Variants in RPH3A observed in about 807,000 individuals in gnomAD.
RPH3A encodes the protein rabphilin-3A.
In RPH3A, 48 loss-of-function variants were observed where a neutral mutation model predicts 102.2. The ratio of observed to expected loss-of-function variants is 0.47; its 90% CI spans 0.37 to 0.60. The LOEUF is 0.60. RPH3A is among the 20% of genes least tolerant of loss of function. RPH3A has a pLI of 0.00. For synonymous variants in RPH3A, 310 were observed against 324.3 expected (o/e 0.96, Z 0.47); for missense variants, 781 against 910.1 (o/e 0.86, Z 1.83).
At chr12:112,777,271 G>A (rs1389856172) in intron 1 of RPH3A, among the ~76,000 whole-genome samples, 1 of 152,196 alleles carries the variant, frequency 6.6e-6, no homozygotes, top group Non-Finnish European at 1.5e-5. Flanking sequence ...CTGCTGTTGT[G>A]ATCATCAGTG....
At chr12:112,847,326 A>G (rs578203354) in intron 4 of RPH3A, among the ~76,000 whole-genome samples, 29 of 152,330 alleles carry the variant, frequency 1.9e-4, no homozygotes, top group South Asian at 1.9e-3. Context: ...CCCAAAAGCC[A>G]TCTCTCTGCC....
intron 1 of RPH3A, among the ~76,000 whole-genome samples, chr12:112,779,077 C>T (rs1250313192): frequency 6.6e-6 from 1 of 152,062 alleles, no homozygotes; most frequent in Non-Finnish European, 1.5e-5. Context: ...TAGTCTGGGT[C>T]CTCCAGGAAA....
rs1254912083 is a variant in RPH3A, at chr12:112,678,273, GAAAGAAAGAAAGAAAGAAAGAAAGA to G, written c.-140+102957_-140+102981del. Among the ~76,000 whole-genome samples the G allele has an allele frequency of 1.2e-4, 9 of 75,484 alleles. 1 individual carries two copies. Among genetic ancestry groups the G allele is most frequent in the Admixed American group, 9.6e-4 (8 of 8,294 alleles). 49.5% of individuals were successfully genotyped at this position (75,484 alleles called of 152,430 possible). A position where few individuals can be genotyped will look rare whatever the true frequency, so the allele number is the denominator to read the frequency against. ...AGAAAGAAAGAAAGAAAGAAAGAAA[GAAAGAAAGAAAGAAAGAAAGAAAGA>G]AAGAAAGAGAGAGAGAGAGAAAGAA... On this transcript the variant is annotated intron_variant, in intron 1 of 21. Coordinates refer to the RPH3A transcript ENST00000543106.
At chr12:112,656,739 G>A (rs573782649) in intron 1 of RPH3A, among the ~76,000 whole-genome samples, 16 of 152,028 alleles carry the variant, frequency 1.1e-4, no homozygotes, top group South Asian at 6.2e-4. Context: ...ATGTTGCTGC[G>A]AAAGACATGA....
chr12:112,722,513 G>A (rs1177471603), intron 1 of RPH3A, among the ~76,000 whole-genome samples: 1 of 152,248 alleles, frequency 6.6e-6, no homozygotes, highest in Non-Finnish European at 1.5e-5. Context: ...GGACTCCTAT[G>A]TTGTTGGTGG....
chr12:112,770,438 C>T (rs1442696914), intron 1 of RPH3A, among the ~76,000 whole-genome samples: 1 of 152,102 alleles, frequency 6.6e-6, no homozygotes, highest in Non-Finnish European at 1.5e-5. Context: ...TTCTGCCTCC[C>T]TGGCTCAAGT....
chr12:112,715,789 G>A (rs1276252379), intron 1 of RPH3A, among the ~76,000 whole-genome samples: 2 of 152,160 alleles, frequency 1.3e-5, no homozygotes, highest in Non-Finnish European at 1.5e-5. Flanking sequence ...TTCAGAGTAA[G>A]CCCATACAGT....
Position 112,693,990 on chromosome 12 carries a change from A to G in RPH3A, c.-139-98153A>G, listed in dbSNP as rs1033424046. Among the ~76,000 whole-genome samples, 5 of 152,256 alleles carry G rather than the reference A, an allele frequency of 3.3e-5. No individual in the cohort carries two copies. In the East Asian group the frequency reaches 9.7e-4, roughly 29 times the overall value. On this transcript the variant is annotated intron_variant, in intron 1 of 21. Coordinates refer to the RPH3A transcript ENST00000543106. ...GCCAGGAGCCTTGCAATGGCTTTCT[A>G]ACTGGTATCTAATTCGCTCTGCACA...
chr12:112,633,777 C>T (rs1450204499), intron 1 of RPH3A, among the ~76,000 whole-genome samples: 1 of 152,106 alleles, frequency 6.6e-6, no homozygotes, highest in Admixed American at 6.5e-5. Flanking sequence ...AATTTGGAGA[C>T]ATGTTTCTTG....
intron 1 of RPH3A, among the ~76,000 whole-genome samples, chr12:112,662,203 T>C (rs2040053333): frequency 6.6e-6 from 1 of 152,238 alleles, no homozygotes; most frequent in Admixed American, 6.5e-5. Flanking sequence ...TGAGTGACTC[T>C]GTATGAAGCT....
rs763230279 is a variant in RPH3A, at chr12:112,879,155, A to G, written c.1208A>G (p.Asp403Gly). Reference protein sequence around the residue: ...LGALEFSLLYDQDNSSLQCTI... With the variant: ...LGALEFSLLYGQDNSSLQCTI... Reference sequence around the variant, plus strand: ...GCCCTGGAATTCAGCCTTCTCTACGACCAGGACAACAGCTCCCTGCAGTGC... The same window carrying G: ...GCCCTGGAATTCAGCCTTCTCTACGGCCAGGACAACAGCTCCCTGCAGTGC... The change falls in exon 14 of 22, where the codon GAC (aspartate) becomes GGC (glycine). Residue 403 changes from aspartate (D) to glycine (G), a missense_variant. Asp to Gly is a moderately conservative substitution (Grantham distance 94). Coordinates refer to ENST00000389385, the MANE Select transcript of RPH3A (RefSeq NM_001143854.2). 1 of 1,614,086 alleles carries G rather than the reference A, an allele frequency of 6.2e-7. No homozygotes were observed. The highest frequency in any genetic ancestry group is 1.1e-5 in the South Asian group (1 of 91,050).
chr12:112,840,872 C>T (rs1317076093), intron 4 of RPH3A, among the ~76,000 whole-genome samples: 1 of 152,110 alleles, frequency 6.6e-6, no homozygotes, highest in African/African-American at 2.4e-5. Context: ...GCAGATTAGC[C>T]AGCGGTAGAC....
At chr12:112,587,783 C>T (rs757790074) in intron 1 of RPH3A, among the ~76,000 whole-genome samples, 46 of 152,048 alleles carry the variant, frequency 3.0e-4, no homozygotes, top group East Asian at 3.8e-4. Flanking sequence ...GTTTAGTGCA[C>T]GGAAAATTTA....
At chr12:112,720,327 T>C (rs1271705423) in intron 1 of RPH3A, among the ~76,000 whole-genome samples, 1 of 152,238 alleles carries the variant, frequency 6.6e-6, no homozygotes, top group Non-Finnish European at 1.5e-5. Flanking sequence ...AACATAATGA[T>C]AGATGACATG....
At chr12:112,831,894 A>T (rs544189487) in intron 3 of RPH3A, 72 of 445,404 alleles carry the variant, frequency 1.6e-4, no homozygotes, top group African/African-American at 1.3e-3. Flanking sequence ...TGATGTGCTT[A>T]AGTGTGTATT....
intron 1 of RPH3A, among the ~76,000 whole-genome samples, chr12:112,596,139 A>AT (rs959520524): frequency 1.9e-4 from 29 of 152,112 alleles, no homozygotes; most frequent in Admixed American, 1.8e-3. Context: ...TGGTCTCTTC[A>AT]TTTTTTTGTT....
chr12:112,874,465 C>T (rs2042760589), intron 10 of RPH3A, among the ~76,000 whole-genome samples: 1 of 152,134 alleles, frequency 6.6e-6, no homozygotes, highest in Admixed American at 6.5e-5. Flanking sequence ...AAGTCCAGGG[C>T]ACATGGTAAG....
At chr12:112,796,644 G>A (rs1050994489) in intron 2 of RPH3A, among the ~76,000 whole-genome samples, 1 of 152,250 alleles carries the variant, frequency 6.6e-6, no homozygotes, top group Admixed American at 6.5e-5. Context: ...TACAGGCAAA[G>A]GACAGGCCTC....
chr12:112,713,186 C>T (rs950433508), intron 1 of RPH3A, among the ~76,000 whole-genome samples: 3 of 151,188 alleles, frequency 2.0e-5, no homozygotes, highest in African/African-American at 7.3e-5. Context: ...CATGCCTTGG[C>T]CTCTCAAAGT....
Sources: allele counts gnomAD v4.1 joint callset (sites outside exome capture counted in the v4.1 genomes callset), GRCh38; gene constraint gnomAD v4.1.1; transcripts MANE v1.5; gene names NCBI Gene and HGNC (gene_info 2026-07-23, HGNC 2026-07-21).